Variants in COL4A2 observed in about 807,000 individuals in gnomAD.
COL4A2 encodes the protein collagen alpha-2(IV) chain.
In COL4A2, 99 loss-of-function variants were observed where a neutral mutation model predicts 200.2. That is an observed-to-expected ratio of 0.49 (90% CI 0.42 to 0.58). The LOEUF (loss-of-function observed/expected upper bound fraction) is 0.58. COL4A2 is among the 20% of genes least tolerant of loss of function. The pLI, the probability that COL4A2 is intolerant of heterozygous loss-of-function variation, is 0.00. For missense variants in COL4A2, 1,950 were observed against 2,314.1 expected, an observed-to-expected ratio of 0.84 and a Z score of 3.23; for synonymous variants, 897 against 900.6, an observed-to-expected ratio of 1.00 and a Z score of 0.07.
chr13:110,465,997 C>T lies in COL4A2; in HGVS notation c.1979-6C>T, dbSNP rs190632602. 8,578 of 1,613,536 alleles carry T rather than the reference C, an allele frequency of 5.3e-3. 24 individuals carry two copies. The highest frequency in any genetic ancestry group is 6.3e-3 in the Non-Finnish European group (7,453 of 1,179,576). On this transcript the variant is annotated splice_polypyrimidine_tract_variant and splice_region_variant and intron_variant, in intron 25 of 47. Transcript: ENST00000360467. ...GCCTCACTCTGTCCTTATGTCTTCC[C>T]CCCAGATTGTGACACAGATGTGAAA... is the stretch of plus-strand genomic sequence containing the variant.
At chr13:110,472,885 C>T (rs1882532349) in intron 28 of COL4A2, 44 bp from the exon 29 acceptor site, 3 of 1,525,640 alleles carry the variant, frequency 2.0e-6, no homozygotes, top group South Asian at 1.2e-5. Flanking sequence ...TAGAACGTCA[C>T]CATGCTAACT....
At chr13:110,407,206 C>T (rs919134497) in intron 4 of COL4A2, among the ~76,000 whole-genome samples, 22 of 152,212 alleles carry the variant, frequency 1.4e-4, no homozygotes, top group Non-Finnish European at 2.6e-4. Context: ...CTGCGCCCCT[C>T]GGGTGGGAAA....
At chr13:110,333,559 C>T (rs1490331357) in intron 3 of COL4A2, among the ~76,000 whole-genome samples, 5 of 152,208 alleles carry the variant, frequency 3.3e-5, no homozygotes, top group Non-Finnish European at 5.9e-5. Context: ...CTTCTCCAAA[C>T]ATTTTCTAAC....
chr13:110,388,449 GAA>G (rs1491380975), intron 4 of COL4A2, among the ~76,000 whole-genome samples: 1 of 152,184 alleles, frequency 6.6e-6, no homozygotes, highest in African/African-American at 2.4e-5. Context: ...CTCGTTGAAC[GAA>G]AAAGAGAATG....
Position 110,479,321 on chromosome 13 carries a change from C to T in COL4A2, c.2588-899C>T, listed in dbSNP as rs77546293. ...AAGCCAGCAGAGTGACAAGGCCACG[C>T]GGTCCCCGGTGACCCAGAGGAGGCG... is the stretch of plus-strand genomic sequence containing the variant. On this transcript the variant is annotated intron_variant, in intron 30 of 47. Transcript: ENST00000360467. Among the ~76,000 whole-genome samples the T allele has an allele frequency of 5.1e-3, 228 of 45,022 alleles. 2 individuals are homozygous for T. In the East Asian group the frequency reaches 0.13, roughly 25 times the overall value. 29.5% of individuals were successfully genotyped at this position (45,022 alleles called of 152,430 possible). A position where few individuals can be genotyped will look rare whatever the true frequency, so the allele number is the denominator to read the frequency against.
intron 3 of COL4A2, among the ~76,000 whole-genome samples, chr13:110,319,195 C>T (rs9555686): frequency 0.91 from 139,132 of 152,068 alleles, 64,799 homozygotes; most frequent in Non-Finnish European, 1. Flanking sequence ...AGCAGATGGC[C>T]GCTGAGTGAG....
intron 34 of COL4A2, among the ~76,000 whole-genome samples, chr13:110,488,281 T>A (rs1474516060): frequency 6.6e-6 from 1 of 152,212 alleles, no homozygotes; most frequent in Non-Finnish European, 1.5e-5. Context: ...CACCTCGGCC[T>A]CCCAAAGTGC....
intron 4 of COL4A2, among the ~76,000 whole-genome samples, chr13:110,394,092 C>T (rs556770945): frequency 6.6e-6 from 1 of 152,266 alleles, no homozygotes; most frequent in Admixed American, 6.5e-5. Flanking sequence ...GCTGGAACCA[C>T]CTGTGCTTGA....
chr13:110,331,681 C>CTG (rs1875920630), intron 3 of COL4A2, among the ~76,000 whole-genome samples: 3 of 152,214 alleles, frequency 2.0e-5, no homozygotes, highest in Admixed American at 2.0e-4. Flanking sequence ...TTCCAAACAC[C>CTG]GACTCAAAAC....
intron 4 of COL4A2, among the ~76,000 whole-genome samples, chr13:110,423,276 T>A (rs1043111948): frequency 5.3e-5 from 8 of 152,188 alleles, no homozygotes; most frequent in African/African-American, 1.9e-4. Flanking sequence ...TTCTCATTTT[T>A]AAAACATTTT....
rs766464720 is a variant in COL4A2 at position 110,489,694 on chromosome 13, T to C, written c.3272-17T>C. The C allele has an allele frequency of 4.3e-6, 7 of 1,613,998 alleles. No homozygotes were observed. The highest frequency in any genetic ancestry group is 5.1e-6 in the Non-Finnish European group (6 of 1,179,850). The stretch of plus-strand genomic sequence containing the variant: ...GTGGAAAGTCCTGTTCTTAGCCGTC[T>C]TTTTTGCATGTAACAGGTGACATCG... On this transcript the variant is annotated splice_polypyrimidine_tract_variant and intron_variant, in intron 35 of 47. Transcript: ENST00000360467.
rs534101944 is a variant in COL4A2 at position 110,510,047 on chromosome 13, T to C, written c.4881+1826T>C. On this transcript the variant is annotated intron_variant, in intron 47 of 47. Transcript: ENST00000360467. ...GATCCCTTCTGTGTGGTGACAAGCA[T>C]ATGGTACCACTAGGGCTGCTGGCAT... Among the ~76,000 whole-genome samples, 563 of 152,344 alleles carry C rather than the reference T, an allele frequency of 3.7e-3. 4 individuals are homozygous for C. Among genetic ancestry groups the C allele is most frequent in the Middle Eastern group, 0.017 (5 of 294 alleles).
intron 16 of COL4A2, among the ~76,000 whole-genome samples, chr13:110,443,822 G>C (rs1199105631): frequency 2.0e-5 from 3 of 152,162 alleles, no homozygotes; most frequent in Non-Finnish European, 4.4e-5. Context: ...GGGAGCGCCT[G>C]GGTGATTCCT....
intron 4 of COL4A2, among the ~76,000 whole-genome samples, chr13:110,416,996 T>G (rs1324767609): frequency 2.0e-5 from 3 of 152,050 alleles, no homozygotes; most frequent in Non-Finnish European, 4.4e-5. Flanking sequence ...TTTTTTTTTT[T>G]TTTGAGACAG....
chr13:110,381,116 G>A (rs1179054930), intron 4 of COL4A2, among the ~76,000 whole-genome samples: 1 of 121,944 alleles, frequency 8.2e-6, no homozygotes, highest in Non-Finnish European at 1.7e-5. Context: ...CGGGCTCTAT[G>A]TCACAACCAG....
intron 40 of COL4A2, among the ~76,000 whole-genome samples, chr13:110,500,917 G>A (rs1409778103): frequency 6.6e-6 from 1 of 152,146 alleles, no homozygotes; most frequent in Non-Finnish European, 1.5e-5. Flanking sequence ...CAATACATGG[G>A]GGGCATTTGA....
At chr13:110,483,833 G>T (rs1883019307) in intron 32 of COL4A2, among the ~76,000 whole-genome samples, 1 of 152,228 alleles carries the variant, frequency 6.6e-6, no homozygotes, top group African/African-American at 2.4e-5. Context: ...TCTCAAGTTA[G>T]ACGGTGCTGC....
chr13:110,504,475 T>G (rs1883771821), intron 45 of COL4A2, among the ~76,000 whole-genome samples: 1 of 152,198 alleles, frequency 6.6e-6, no homozygotes, highest in African/African-American at 2.4e-5. Flanking sequence ...CTCCCTCCTT[T>G]TCCTGGGACA....
In COL4A2 at chr13:110,512,163, G is replaced by A. The variant is rs747313370; in HGVS notation, c.5111G>A (p.Arg1704His). The A allele has an allele frequency of 1.5e-5, 24 of 1,612,920 alleles. No individual in the cohort carries two copies. The highest frequency in any genetic ancestry group is 6.6e-5 in the South Asian group (6 of 91,062). The part of the protein sequence containing the change: ...KAGLIRTHIS[R>H]CQVCMKNL ...GGCCTCATCCGCACACACATCAGCC[G>A]CTGCCAGGTGTGCATGAAGAACCTG... The change falls in exon 48 of 48, where the codon CGC (arginine) becomes CAC (histidine). Residue 1704 changes from arginine (R) to histidine (H), a missense_variant. Physicochemically the swap from Arg to His is conservative, Grantham distance 29 (BLOSUM62 0). Transcript: ENST00000360467.
Sources: allele counts gnomAD v4.1 joint callset (sites outside exome capture counted in the v4.1 genomes callset), GRCh38; gene constraint gnomAD v4.1.1; transcripts MANE v1.5; gene names NCBI Gene and HGNC (gene_info 2026-07-23, HGNC 2026-07-21).